The following POGLUT1 variants were observed in gnomAD, a reference collection of about 807,000 sequenced individuals.
POGLUT1 encodes the protein protein O-glucosyltransferase 1, also known as 9630046K23Rik.
Under a neutral mutation model 61.3 loss-of-function variants are expected in POGLUT1, and 32 were observed. The observed-to-expected ratio is 0.52, with a 90% CI of 0.39 to 0.70. The LOEUF (loss-of-function observed/expected upper bound fraction) is 0.70, where lower values mean the gene tolerates loss of function less well. Ranked by LOEUF, POGLUT1 falls within the 30% of genes least tolerant of loss-of-function variation. The pLI, the probability that POGLUT1 is intolerant of heterozygous loss-of-function variation, is 0.00. For synonymous variants in POGLUT1, 158 were observed against 158.2 expected (o/e 1.00, Z 0.01); for missense variants, 411 against 469.8 (o/e 0.87, Z 1.16).
intron 3 of POGLUT1, among the ~76,000 whole-genome samples, chr3:119,474,712 G>A (rs1003690513): frequency 5.3e-5 from 8 of 152,014 alleles, no homozygotes; most frequent in African/African-American, 1.5e-4. Flanking sequence ...GGTGGCAGGC[G>A]CCTGTAATCC....
Position 119,492,743 on chromosome 3 carries a change from C to T in POGLUT1, c.*305C>T. On this transcript the variant is annotated 3_prime_UTR_variant, in exon 11 of 11. Transcript: ENST00000295588. ...ATCACAGCTTGTGCCTCAGATCATC[C>T]ACCTGTGTGAGTCCATCACTGTGAA... 5.8e-6 allele frequency: 1 copy of T among 173,392 alleles called. No individual in the cohort carries two copies. The highest frequency in any genetic ancestry group is 2.4e-5 in the African/African-American group (1 of 42,384). The allele number at this position is 173,392 out of a possible 1,614,324, so 10.7% of individuals were successfully genotyped here. A position where few individuals can be genotyped will look rare whatever the true frequency, so the allele number is the denominator to read the frequency against.
intron 3 of POGLUT1, among the ~76,000 whole-genome samples, chr3:119,473,254 C>T (rs949288590): frequency 2.0e-5 from 3 of 151,970 alleles, no homozygotes; most frequent in Non-Finnish European, 4.4e-5. Context: ...TTTTGATTTC[C>T]ACAGATGAGA....
chr3:119,480,228 C>A, intron 5 of POGLUT1, 56 bp downstream of exon 5: 1 of 1,374,748 alleles, frequency 7.3e-7, no homozygotes, highest in Non-Finnish European at 9.9e-7. Context: ...TTGAAATAAG[C>A]CATAGAATAT....
At position 119,492,140 on chromosome 3, in the gene POGLUT1, T is replaced by A. The variant is rs2081756948; in HGVS notation, c.1023-142T>A. 18 of 477,400 alleles carry A rather than the reference T, an allele frequency of 3.8e-5. No individual in the cohort carries two copies. The South Asian group carries it at 6.4e-4, about 17-fold the overall frequency. 29.6% of individuals were successfully genotyped at this position (477,400 alleles called of 1,614,324 possible). On this transcript the variant is annotated intron_variant, in intron 10 of 10. Transcript: ENST00000295588. ...TGCATGTATGTGGATATGATTGCCATAGGGTTGGTTCTTGAGGCTCAAATG... is the reference window on the plus strand; with the variant it reads ...TGCATGTATGTGGATATGATTGCCAAAGGGTTGGTTCTTGAGGCTCAAATG...
intron 7 of POGLUT1, chr3:119,488,517 T>A (rs2081699250): frequency 6.5e-6 from 1 of 153,178 alleles, no homozygotes; most frequent in Admixed American, 6.5e-5. Context: ...AAAAAATACT[T>A]TGCATGCCCA....
chr3:119,486,667 G>A (rs576718446), intron 6 of POGLUT1, among the ~76,000 whole-genome samples, 166 bp from the exon 7 acceptor site: 1 of 152,288 alleles, frequency 6.6e-6, no homozygotes, highest in African/African-American at 2.4e-5. Context: ...GGATGACCTA[G>A]ATGCTGCAGT....
At chr3:119,469,256 A>G (rs533247919) in intron 1 of POGLUT1, 150 bp downstream of exon 1, 2 of 655,136 alleles carry the variant, frequency 3.1e-6, no homozygotes, top group East Asian at 5.5e-5. Flanking sequence ...CTTGCGGCGG[A>G]GAGTGAGGTG....
At position 119,486,898 on chromosome 3, in the gene POGLUT1, A is replaced by T. The variant is rs1275699008; in HGVS notation, c.704A>T (p.Glu235Val). Residue 235 changes from glutamate to valine, a missense_variant, in exon 7 of 11, where the codon GAA (glutamate) becomes GTA (valine). Coordinates refer to ENST00000295588, the MANE Select transcript of POGLUT1 (RefSeq NM_152305.3). ...AAAAACCCAAAACTTGTTGATGCAG[A>T]ATACACCAAAAACCAGGCCTGGAAA... ...SRKNPKLVDAEYTKNQAWKSM... is the reference protein window; with the variant it reads ...SRKNPKLVDAVYTKNQAWKSM... The T allele has an allele frequency of 1.9e-6, 3 of 1,613,384 alleles. No homozygotes were observed. In the East Asian group the frequency reaches 6.7e-5, roughly 36 times the overall value.
At chr3:119,490,339 C>T in intron 8 of POGLUT1, 6 of 554,670 alleles carry the variant, frequency 1.1e-5, no homozygotes, top group Middle Eastern at 4.9e-4. Flanking sequence ...CCTCACCCTG[C>T]CATTCCCAGA....
At chr3:119,476,952 C>A (rs567225048) in intron 3 of POGLUT1, among the ~76,000 whole-genome samples, 5 of 152,068 alleles carry the variant, frequency 3.3e-5, no homozygotes, top group Admixed American at 3.3e-4. Context: ...TCAGCTATTA[C>A]GAGAGTTTGT....
Position 119,493,405 on chromosome 3 carries a change from GC to G in POGLUT1, c.*969del, listed in dbSNP as rs1487067539. Reference sequence around the variant, plus strand: ...TTTTAGTGCAAATCCATGATGGAGTGCCTCCCTTTTCCTTTTTTCACTTTTT... The same window carrying G: ...TTTTAGTGCAAATCCATGATGGAGTGCTCCCTTTTCCTTTTTTCACTTTTT... On this transcript the variant is annotated 3_prime_UTR_variant, in exon 11 of 11. Coordinates refer to ENST00000295588, the MANE Select transcript of POGLUT1 (RefSeq NM_152305.3). 6 of 152,162 alleles carry G rather than the reference GC, an allele frequency of 3.9e-5. No homozygotes were observed. Among genetic ancestry groups the G allele is most frequent in the Non-Finnish European group, 8.8e-5 (6 of 68,020 alleles). The allele number at this position is 152,162 out of a possible 1,614,324, so 9.4% of individuals were successfully genotyped here.
intron 3 of POGLUT1, among the ~76,000 whole-genome samples, chr3:119,475,947 T>C (rs1222586991): frequency 7.1e-6 from 1 of 140,922 alleles, no homozygotes; most frequent in Non-Finnish European, 1.5e-5. Context: ...ATACCAAGAC[T>C]GTCTCTCCAC....
chr3:119,469,266 G>A, intron 1 of POGLUT1, 160 bp downstream of exon 1: 1 of 640,268 alleles, frequency 1.6e-6, no homozygotes, highest in South Asian at 1.8e-5. Flanking sequence ...AGAGTGAGGT[G>A]CCGGGGTCTC....
At chr3:119,482,140 C>A (rs574935970) in intron 5 of POGLUT1, among the ~76,000 whole-genome samples, 4 of 152,172 alleles carry the variant, frequency 2.6e-5, no homozygotes, top group South Asian at 2.1e-4. Context: ...CCTTTCCCCC[C>A]CTCCTCAGGT....
rs747605822 is a variant in POGLUT1 at position 119,492,394 on chromosome 3, G to A, written c.1135G>A (p.Gly379Ser). The A allele has an allele frequency of 6.2e-7, 1 of 1,605,692 alleles. No homozygotes were observed. Among genetic ancestry groups the A allele is most frequent in the South Asian group, 1.1e-5 (1 of 90,330 alleles). ...GTCTTATAATGTAACGAGAAGGAAAGGTTATGATCAAATTATTCCCAAAAT... is the reference window on the plus strand; with the variant it reads ...GTCTTATAATGTAACGAGAAGGAAAAGTTATGATCAAATTATTCCCAAAAT... Reference protein sequence around the residue: ...FLSYNVTRRKGYDQIIPKMLK... With the variant: ...FLSYNVTRRKSYDQIIPKMLK... Residue 379 changes from glycine to serine, a missense_variant, in exon 11 of 11, where the codon GGT becomes AGT. Coordinates refer to ENST00000295588, the MANE Select transcript of POGLUT1 (RefSeq NM_152305.3).
At chr3:119,483,894 A>G (rs1260964298) in intron 5 of POGLUT1, among the ~76,000 whole-genome samples, 1 of 152,262 alleles carries the variant, frequency 6.6e-6, no homozygotes, top group African/African-American at 2.4e-5. Context: ...ACTAATATGA[A>G]TAAATGATTG....
At position 119,471,444 on chromosome 3, in the gene POGLUT1, C is replaced by G. The variant is rs2081473073; in HGVS notation, c.312C>G (p.Phe104Leu). Residue 104 changes from phenylalanine (F) to leucine (L), a missense_variant, in exon 3 of 11, where the codon TTC (phenylalanine) becomes TTG (leucine). Physicochemically the swap from Phe to Leu is conservative, Grantham distance 22. Coordinates refer to ENST00000295588, the MANE Select transcript of POGLUT1 (RefSeq NM_152305.3). The part of the protein sequence containing the change: ...NRLYRENDCM[F>L]PSRCSGVEHF... ...TGTACCGGGAAAATGACTGCATGTT[C>G]CCCTCAAGGTAAGAGTTAACGAGGT... The G allele has an allele frequency of 6.2e-7, 1 of 1,613,970 alleles. No homozygotes were observed. Among genetic ancestry groups the G allele is most frequent in the Non-Finnish European group, 8.5e-7 (1 of 1,179,836 alleles).
intron 5 of POGLUT1, among the ~76,000 whole-genome samples, chr3:119,484,650 AT>A (rs1417819317): frequency 6.6e-6 from 1 of 152,008 alleles, no homozygotes; most frequent in African/African-American, 2.4e-5. Flanking sequence ...ATGCTTTTTT[AT>A]TTTTTTGCAG....
At chr3:119,487,205 G>A (rs1201223137) in intron 7 of POGLUT1, among the ~76,000 whole-genome samples, 2 of 152,230 alleles carry the variant, frequency 1.3e-5, no homozygotes, top group Non-Finnish European at 2.9e-5. Flanking sequence ...AGTAAATGTT[G>A]TAGGTTTTGC....
Sources: allele counts gnomAD v4.1 joint callset (sites outside exome capture counted in the v4.1 genomes callset), GRCh38; gene constraint gnomAD v4.1.1; transcripts MANE v1.5; gene names NCBI Gene and HGNC (gene_info 2026-07-23, HGNC 2026-07-21).